The following SEC61A2 variants were observed in gnomAD, a reference collection of about 807,000 sequenced individuals.
The protein encoded by SEC61A2 is SEC61 translocon subunit alpha 2.
In SEC61A2, 28 loss-of-function variants were observed where a neutral mutation model predicts 59.9. The observed-to-expected ratio is 0.47, with a 90% confidence interval of 0.35 to 0.64. The LOEUF is 0.64. Among genes scored for constraint, SEC61A2 ranks in the 30% least tolerant of loss-of-function variants. SEC61A2 has a pLI of 0.01. For synonymous variants in SEC61A2, 202 were observed against 214.4 expected, an observed-to-expected ratio of 0.94 and a Z score of 0.50; for missense variants, 340 against 585.9, an observed-to-expected ratio of 0.58 and a Z score of 4.33.
chr10:12,166,768 A>G (rs377142166), downstream of SEC61A2: 84 of 496,464 alleles, frequency 1.7e-4, no homozygotes, highest in African/African-American at 1.5e-3. Context: ...AAAAAGAGCT[A>G]AACTCACTCA....
rs574340089 is a variant in SEC61A2 at position 12,153,038 on chromosome 10, G to A, written c.463-2740G>A. Reference sequence around the variant, plus strand: ...CACACCACTGCACTCCAGCCTGGGCGACAGAGTGAGACTCTGTCTCAAAAA... The same window carrying A: ...CACACCACTGCACTCCAGCCTGGGCAACAGAGTGAGACTCTGTCTCAAAAA... On this transcript the variant is annotated intron_variant, in intron 6 of 11. Coordinates refer to ENST00000298428, the MANE Select transcript of SEC61A2 (RefSeq NM_018144.4). The surrounding 1 kb of genome is among the most constrained non-coding windows in gnomAD (Gnocchi z 5.2). 1.5e-4 allele frequency among the ~76,000 whole-genome samples: 23 copies of A among 149,976 alleles called. No individual in the cohort carries two copies. Among genetic ancestry groups the A allele is most frequent in the Middle Eastern group, 3.4e-3 (1 of 292 alleles).
rs1441540344 is a variant in SEC61A2 at position 12,161,507 on chromosome 10, C to T, written c.1167+386C>T. On this transcript the variant is annotated intron_variant, in intron 10 of 11. Coordinates refer to ENST00000298428, the MANE Select transcript of SEC61A2 (RefSeq NM_018144.4). The surrounding 1 kb of genome is among the most constrained non-coding windows in gnomAD (Gnocchi z 5.4). ...CCTGTAATCCCAGCACTTCGGGAGG[C>T]CGAGGTGGGCAGATCCCATGGGTAG... 2.0e-5 allele frequency among the ~76,000 whole-genome samples: 3 copies of T among 152,282 alleles called. No homozygotes were observed. The East Asian group carries it at 5.8e-4, about 29-fold the overall frequency.
chr10:12,129,908 C>A lies in SEC61A2; in HGVS notation c.7+114C>A. The A allele has an allele frequency of 2.0e-6, 2 of 981,058 alleles. No individual in the cohort carries two copies. The highest frequency in any genetic ancestry group is 5.6e-5 in the South Asian group (2 of 36,002). 60.8% of individuals were successfully genotyped at this position (981,058 alleles called of 1,614,324 possible). On this transcript the variant is annotated intron_variant, in intron 1 of 11. Transcript: ENST00000298428. The surrounding 1 kb of genome is among the most constrained non-coding windows in gnomAD (Gnocchi z 5.6). ...TCGTGGGGGCCAGGGATGCGCGGGC[C>A]GCTCCGGGCCTCAGCGGAGGGCACG...
chr10:12,149,732 CATTAATGCA>C lies in SEC61A2; in HGVS notation c.352+12_352+20del, dbSNP rs1203519208. On this transcript the variant is annotated splice_region_variant and intron_variant, in intron 5 of 11. Coordinates refer to ENST00000298428, the MANE Select transcript of SEC61A2 (RefSeq NM_018144.4). This position sits in a 1 kb window ranked among gnomAD's most constrained non-coding sequence, Gnocchi z 5.2. Reference sequence around the variant, plus strand: ...ATTCAATGGAGCCCAGAAACGTGAGCATTAATGCAATTAAAGAGCATTCTCCAAATTTGA... The same window carrying C: ...ATTCAATGGAGCCCAGAAACGTGAGCATTAAAGAGCATTCTCCAAATTTGA... The C allele has an allele frequency of 6.2e-7, 1 of 1,608,880 alleles. No individual in the cohort carries two copies. Among genetic ancestry groups the C allele is most frequent in the Non-Finnish European group, 8.5e-7 (1 of 1,178,414 alleles).
At chr10:12,131,844 C>T (rs1378382994) in intron 1 of SEC61A2, among the ~76,000 whole-genome samples, 1 of 131,488 alleles carries the variant, frequency 7.6e-6, no homozygotes, top group Non-Finnish European at 1.6e-5. Flanking sequence ...GGGCCCGCCA[C>T]CACGCCCTGC....
intron 4 of SEC61A2, among the ~76,000 whole-genome samples, chr10:12,146,418 G>A (rs563829662): frequency 6.6e-6 from 1 of 152,304 alleles, no homozygotes; most frequent in African/African-American, 2.4e-5. Flanking sequence ...TTGGATGCTG[G>A]GGGCCTACTC....
chr10:12,169,195 T>C, downstream of SEC61A2: 3 of 1,091,258 alleles, frequency 2.7e-6, no homozygotes, highest in African/African-American at 1.6e-5. The surrounding 1 kb of genome is among the most constrained non-coding windows in gnomAD (Gnocchi z 4.8). Flanking sequence ...TCCTCCTTTA[T>C]AGCCATAGTA....
chr10:12,155,450 T>G lies in SEC61A2; in HGVS notation c.463-328T>G. 2.8e-6 allele frequency: 3 copies of G among 1,084,666 alleles called. No individual in the cohort carries two copies. The Middle Eastern group carries it at 7.5e-4, about 270-fold the overall frequency. The allele number at this position is 1,084,666 out of a possible 1,614,324, so 67.2% of individuals were successfully genotyped here. ...TTTCTTGCTGTCATAAATTCTAGAATACTGTGATCATTTTTTGTTTCAGTG... is the reference window on the plus strand; with the variant it reads ...TTTCTTGCTGTCATAAATTCTAGAAGACTGTGATCATTTTTTGTTTCAGTG... On this transcript the variant is annotated intron_variant, in intron 6 of 11. Transcript: ENST00000298428. The surrounding 1 kb of genome is among the most constrained non-coding windows in gnomAD (Gnocchi z 4.3).
Position 12,164,313 on chromosome 10 carries a change from C to A in SEC61A2, c.1290C>A (p.Ala430=). 1.2e-6 allele frequency: 2 copies of A among 1,613,886 alleles called. No homozygotes were observed. The highest frequency in any genetic ancestry group is 1.7e-6 in the Non-Finnish European group (2 of 1,180,024). Residue 430 remains alanine (A), a synonymous_variant, in exon 12 of 12, where the codon GCC becomes GCA. Coordinates refer to ENST00000298428, the MANE Select transcript of SEC61A2 (RefSeq NM_018144.4). The surrounding 1 kb of genome is among the most constrained non-coding windows in gnomAD (Gnocchi z 7.3). ...CGTTTGGCGGTTTGTGCATTGGCGC[C>A]CTGTCAGTGCTGGCTGACTTCCTGG... ...AAAFGGLCIG[A]LSVLADFLGA...
chr10:12,169,174 T>C (rs543220456), downstream of SEC61A2: 210 of 829,664 alleles, frequency 2.5e-4, no homozygotes, highest in African/African-American at 2.8e-3. The surrounding 1 kb of genome is among the most constrained non-coding windows in gnomAD (Gnocchi z 4.8). Context: ...GCAACTTGGT[T>C]CTTTTACCCC....
intron 1 of SEC61A2, among the ~76,000 whole-genome samples, chr10:12,130,252 G>GT: frequency 6.6e-6 from 1 of 152,278 alleles, no homozygotes; most frequent in South Asian, 2.1e-4. Context: ...GTGTGCATTG[G>GT]TAACAGCGTT....
chr10:12,148,643 G>GGTTCACACC (rs1272211273), intron 4 of SEC61A2, among the ~76,000 whole-genome samples: 1 of 151,408 alleles, frequency 6.6e-6, no homozygotes, highest in South Asian at 2.1e-4. Context: ...CGGTTCAAGG[G>GGTTCACACC]ATTCTCCTGC....
At chr10:12,150,221 C>G (rs1295004471) in intron 6 of SEC61A2, among the ~76,000 whole-genome samples, 1 of 152,134 alleles carries the variant, frequency 6.6e-6, no homozygotes, top group Non-Finnish European at 1.5e-5. Context: ...AATTATGGAT[C>G]AATTGTATTT....
At chr10:12,136,275 C>T (rs1391859370) in intron 3 of SEC61A2, 105 bp downstream of exon 3, 3 of 691,796 alleles carry the variant, frequency 4.3e-6, no homozygotes, top group Admixed American at 4.8e-5. Flanking sequence ...ACATTGAGCT[C>T]AATATATTGA....
chr10:12,149,779 T>C lies in SEC61A2; in HGVS notation c.352+53T>C. ...TCTCCAAATTTGAGAGTGCTCGTGGTAAAGATGTTTTCTCTAGTCTTTTCT... is the reference window on the plus strand; with the variant it reads ...TCTCCAAATTTGAGAGTGCTCGTGGCAAAGATGTTTTCTCTAGTCTTTTCT... On this transcript the variant is annotated intron_variant, in intron 5 of 11. Transcript: ENST00000298428. This position sits in a 1 kb window ranked among gnomAD's most constrained non-coding sequence, Gnocchi z 5.2. The C allele has an allele frequency of 6.2e-7, 1 of 1,606,774 alleles. No individual in the cohort carries two copies.
intron 1 of SEC61A2, among the ~76,000 whole-genome samples, chr10:12,131,773 C>G (rs1833744872): frequency 2.2e-5 from 3 of 135,824 alleles, no homozygotes; most frequent in African/African-American, 8.0e-5. Flanking sequence ...TTACTGCAAG[C>G]TCCCCCTCCT....
intron 8 of SEC61A2, 82 bp from the exon 9 acceptor site, chr10:12,157,826 T>G: frequency 1.5e-6 from 2 of 1,325,540 alleles, no homozygotes; most frequent in Non-Finnish European, 2.2e-6. Flanking sequence ...TCCCCCGCAC[T>G]GTTCTTTGTT....
rs778348373 is a variant in SEC61A2, at chr10:12,143,103, G to C, written c.142-14G>C. ...ATAATACAGTTTCATAAACTATTTTGTGTACTATTTTAGATCCCACTGTTT... is the reference window on the plus strand; with the variant it reads ...ATAATACAGTTTCATAAACTATTTTCTGTACTATTTTAGATCCCACTGTTT... On this transcript the variant is annotated splice_polypyrimidine_tract_variant and intron_variant, in intron 3 of 11. Transcript: ENST00000298428. This position sits in a 1 kb window ranked among gnomAD's most constrained non-coding sequence, Gnocchi z 4.8. The C allele has an allele frequency of 5.7e-6, 9 of 1,589,704 alleles. No individual in the cohort carries two copies. Among genetic ancestry groups the C allele is most frequent in the Non-Finnish European group, 7.8e-6 (9 of 1,158,138 alleles).
Position 12,161,814 on chromosome 10 carries a change from TATTTA to T in SEC61A2, c.1168-395_1168-391del, listed in dbSNP as rs1332608274. Reference sequence around the variant, plus strand: ...TAAAACTTTGTTTTTGGAAAATTCATATTTAATTGTCAAAACAGTAGTGGATACAC... The same window carrying T: ...TAAAACTTTGTTTTTGGAAAATTCATATTGTCAAAACAGTAGTGGATACAC... On this transcript the variant is annotated intron_variant, in intron 10 of 11. Coordinates refer to ENST00000298428, the MANE Select transcript of SEC61A2 (RefSeq NM_018144.4). The surrounding 1 kb of genome is among the most constrained non-coding windows in gnomAD (Gnocchi z 5.4). 1.3e-5 allele frequency among the ~76,000 whole-genome samples: 2 copies of T among 152,212 alleles called. No individual in the cohort carries two copies. Among genetic ancestry groups the T allele is most frequent in the Non-Finnish European group, 1.5e-5 (1 of 68,038 alleles).
Sources: allele counts gnomAD v4.1 joint callset (sites outside exome capture counted in the v4.1 genomes callset), GRCh38; gene constraint gnomAD v4.1.1; non-coding constraint Gnocchi (gnomAD v3.1); transcripts MANE v1.5; gene names NCBI Gene and HGNC (gene_info 2026-07-23, HGNC 2026-07-21).